TFDP1: variants seen among roughly 807,000 people sequenced by gnomAD.
TFDP1 encodes transcription factor Dp-1.
TFDP1 carries 6 observed loss-of-function variants against 48.0 expected under a neutral mutation model. That is an observed-to-expected ratio of 0.13 (90% CI 0.07 to 0.25). The LOEUF (loss-of-function observed/expected upper bound fraction) is 0.25. Ranked by LOEUF, TFDP1 falls within the 10% of genes least tolerant of loss-of-function variation. The pLI is 1.00. For missense variants in TFDP1, 335 were observed against 543.0 expected, an observed-to-expected ratio of 0.62 and a Z score of 3.81; for synonymous variants, 201 against 211.6, an observed-to-expected ratio of 0.95 and a Z score of 0.44.
chr13:113,626,344 A>T (rs1413801506), intron 4 of TFDP1, among the ~76,000 whole-genome samples: 3 of 152,232 alleles, frequency 2.0e-5, no homozygotes, highest in Admixed American at 2.0e-4. Flanking sequence ...TTTATTTTAT[A>T]TGCATTCCTG....
chr13:113,634,782 T>G (rs1287927274), intron 8 of TFDP1, among the ~76,000 whole-genome samples, 180 bp downstream of exon 8: 1 of 133,926 alleles, frequency 7.5e-6, no homozygotes, highest in African/African-American at 2.9e-5. Flanking sequence ...AGAGCGAGGT[T>G]GTGCACGTGC....
chr13:113,608,126 C>T (rs1459055601), intron 2 of TFDP1, among the ~76,000 whole-genome samples: 5 of 152,120 alleles, frequency 3.3e-5, no homozygotes, highest in Admixed American at 1.3e-4. Context: ...CGCAGGCAGC[C>T]GCTCTTCCTG....
intron 1 of TFDP1, 58 bp from the exon 2 acceptor site, chr13:113,585,716 C>CATTCTTTTTCA: frequency 9.3e-7 from 1 of 1,078,952 alleles, no homozygotes; most frequent in South Asian, 1.5e-5. Context: ...TTTTAAACTT[C>CATTCTTTTTCA]GTTTTTCATT....
chr13:113,611,153 TA>T, intron 3 of TFDP1, 91 bp downstream of exon 3: 2 of 1,280,918 alleles, frequency 1.6e-6, no homozygotes, highest in Non-Finnish European at 2.3e-6. Context: ...AGCCTCTTGC[TA>T]ATGATGGCAT....
At chr13:113,612,960 G>C (rs1594465961) in intron 3 of TFDP1, among the ~76,000 whole-genome samples, 1 of 152,310 alleles carries the variant, frequency 6.6e-6, no homozygotes, top group Middle Eastern at 3.4e-3. Flanking sequence ...GCCGGCAGCA[G>C]CTCCTGGACC....
At chr13:113,621,567 A>C (rs1477809843) in intron 3 of TFDP1, among the ~76,000 whole-genome samples, 1 of 152,262 alleles carries the variant, frequency 6.6e-6, no homozygotes, top group Non-Finnish European at 1.5e-5. Context: ...ATCATAACCC[A>C]GGAAAAACCA....
chr13:113,626,497 G>T (rs978147535), intron 4 of TFDP1, among the ~76,000 whole-genome samples: 25 of 151,676 alleles, frequency 1.6e-4, no homozygotes, highest in African/African-American at 5.6e-4. Context: ...CCTTCCCCGC[G>T]TCCCACTTCC....
At chr13:113,602,416 C>T (rs966551680) in intron 2 of TFDP1, among the ~76,000 whole-genome samples, 5 of 152,202 alleles carry the variant, frequency 3.3e-5, no homozygotes, top group East Asian at 1.9e-4. Flanking sequence ...GCAGGAGTCC[C>T]GTGCTGGGGC....
chr13:113,634,692 C>A, intron 8 of TFDP1, 90 bp downstream of exon 8: 1 of 923,066 alleles, frequency 1.1e-6, no homozygotes, highest in Non-Finnish European at 1.7e-6. Flanking sequence ...GGTTACACTC[C>A]TGCATGGCAA....
chr13:113,631,857 T>C (rs545508597), intron 5 of TFDP1, 113 bp downstream of exon 5: 1,254 of 1,407,570 alleles, frequency 8.9e-4, no homozygotes, highest in Non-Finnish European at 1.1e-3. Context: ...CCCACGCGCG[T>C]TGACGCCAGC....
chr13:113,598,731 G>A lies in TFDP1; in HGVS notation c.13-12265G>A, dbSNP rs972995541. Among the ~76,000 whole-genome samples the A allele has an allele frequency of 1.3e-5, 2 of 152,196 alleles. No individual in the cohort carries two copies. The highest frequency in any genetic ancestry group is 2.9e-5 in the Non-Finnish European group (2 of 68,038). ...TTAAGTTGCGTGGGGCCGGGAGGAGGCGTTCTCTGCCCCTACGTGGCTCAC... is the reference window on the plus strand; with the variant it reads ...TTAAGTTGCGTGGGGCCGGGAGGAGACGTTCTCTGCCCCTACGTGGCTCAC... On this transcript the variant is annotated intron_variant, in intron 2 of 11. Coordinates refer to ENST00000375370, the MANE Select transcript of TFDP1 (RefSeq NM_007111.5). This position sits in a 1 kb window ranked among gnomAD's most constrained non-coding sequence, Gnocchi z 4.2.
At chr13:113,634,146 G>T (rs535998868) in intron 7 of TFDP1, 113 bp downstream of exon 7, 2 of 1,471,666 alleles carry the variant, frequency 1.4e-6, no homozygotes, top group South Asian at 1.1e-5. Context: ...CTCTGTGTCC[G>T]GCTGGCAGAC....
chr13:113,594,572 G>T (rs2140299273), intron 2 of TFDP1, among the ~76,000 whole-genome samples: 1 of 152,208 alleles, frequency 6.6e-6, no homozygotes, highest in South Asian at 2.1e-4. Context: ...CAGGTGATAG[G>T]TGTGGTGTGC....
intron 3 of TFDP1, among the ~76,000 whole-genome samples, chr13:113,620,162 G>C (rs904526011): frequency 6.6e-6 from 1 of 152,222 alleles, no homozygotes; most frequent in Non-Finnish European, 1.5e-5. Flanking sequence ...CCGGCCTGTG[G>C]GTGGAGCAGA....
intron 2 of TFDP1, among the ~76,000 whole-genome samples, chr13:113,592,072 AT>A (rs1185972735): frequency 6.6e-6 from 1 of 152,236 alleles, no homozygotes; most frequent in African/African-American, 2.4e-5. Context: ...CATGGGCACT[AT>A]TCACATGTGC....
At chr13:113,612,140 G>T (rs995448518) in intron 3 of TFDP1, among the ~76,000 whole-genome samples, 1 of 152,228 alleles carries the variant, frequency 6.6e-6, no homozygotes, top group Non-Finnish European at 1.5e-5. Context: ...GCTGAGGCTT[G>T]GCCTTGCCAC....
chr13:113,625,566 A>G (rs1369899341), intron 4 of TFDP1, among the ~76,000 whole-genome samples: 1 of 124,990 alleles, frequency 8.0e-6, no homozygotes, highest in Non-Finnish European at 1.6e-5. Context: ...GGTGTCTCTC[A>G]CGTGTCCTCA....
intron 2 of TFDP1, among the ~76,000 whole-genome samples, chr13:113,610,162 G>T: frequency 6.6e-6 from 1 of 150,876 alleles, no homozygotes; most frequent in Middle Eastern, 3.4e-3. Flanking sequence ...CTGCTGTGTG[G>T]CTATACTGTC....
At chr13:113,604,683 C>T (rs916179973) in intron 2 of TFDP1, among the ~76,000 whole-genome samples, 2 of 152,188 alleles carry the variant, frequency 1.3e-5, no homozygotes, top group East Asian at 1.9e-4. Context: ...TAGCAGCCTC[C>T]GTTTACAGCC....
Sources: allele counts gnomAD v4.1 joint callset (sites outside exome capture counted in the v4.1 genomes callset), GRCh38; gene constraint gnomAD v4.1.1; non-coding constraint Gnocchi (gnomAD v3.1); transcripts MANE v1.5; gene names NCBI Gene and HGNC (gene_info 2026-07-23, HGNC 2026-07-21).